BAIAP3: variants seen among roughly 807,000 people sequenced by gnomAD.
BAIAP3 encodes the protein BAI1 associated protein 3.
A neutral mutation model predicts 149.7 loss-of-function variants in BAIAP3; 180 were observed. The ratio of observed to expected loss-of-function variants is 1.20; its 90% CI spans 1.07 to 1.36. The LOEUF (loss-of-function observed/expected upper bound fraction) is 1.36, where lower values mean the gene tolerates loss of function less well. BAIAP3 is among the 40% of genes most tolerant of loss of function. BAIAP3 has a pLI of 0.00. For missense variants in BAIAP3, 1,767 were observed against 1,563.4 expected, an observed-to-expected ratio of 1.13 and a Z score of -2.20; for synonymous variants, 845 against 670.7, an observed-to-expected ratio of 1.26 and a Z score of -4.02.
intron 1 of BAIAP3, among the ~76,000 whole-genome samples, chr16:1,334,313 GGGA>G (rs1318504658): frequency 6.6e-6 from 1 of 152,176 alleles, no homozygotes; most frequent in African/African-American, 2.4e-5. Flanking sequence ...GGGTCTCCGG[GGGA>G]GGAGTTTAAA....
rs968821844 is a variant in BAIAP3, at chr16:1,333,687, C to T, written c.-73C>T. 4 of 151,204 alleles carry T rather than the reference C, an allele frequency of 2.6e-5. No homozygotes were observed. The highest frequency in any genetic ancestry group is 5.9e-5 in the Non-Finnish European group (4 of 67,834). The allele number at this position is 151,204 out of a possible 1,614,324, so 9.4% of individuals were successfully genotyped here. On this transcript the variant is annotated 5_prime_UTR_variant, in exon 1 of 34. Transcript: ENST00000426824. The stretch of plus-strand genomic sequence containing the variant: ...GCTGGGAGCGGTAGCTGTGCCTCGG[C>T]GTCCCCGAGCTGGTGCCGAGCGCAG...
chr16:1,346,386 C>A (rs944119246), intron 25 of BAIAP3, 25 bp downstream of exon 25: 11 of 1,610,998 alleles, frequency 6.8e-6, no homozygotes, highest in Middle Eastern at 1.6e-4. Flanking sequence ...GAGACCAAGG[C>A]GTGGAGGCAG....
chr16:1,339,966 A>G (rs2033772644), intron 5 of BAIAP3, among the ~76,000 whole-genome samples: 1 of 145,422 alleles, frequency 6.9e-6, no homozygotes, highest in African/African-American at 2.7e-5. Flanking sequence ...ACACAGACGC[A>G]CGCACACACA....
chr16:1,343,812 G>T (rs1365604341), intron 15 of BAIAP3, among the ~76,000 whole-genome samples: 1 of 152,252 alleles, frequency 6.6e-6, no homozygotes, highest in African/African-American at 2.4e-5. Flanking sequence ...AACTGCAGGG[G>T]CACAGGCCCT....
intron 1 of BAIAP3, chr16:1,336,188 G>A (rs1333027540): frequency 2.8e-5 from 28 of 984,694 alleles, no homozygotes; most frequent in Admixed American, 6.1e-5. Flanking sequence ...CTCCAGCAGC[G>A]GCTGCTCCAC....
At chr16:1,340,850 G>C (rs1003909863) in intron 5 of BAIAP3, 72 bp from the exon 6 acceptor site, 14 of 1,483,920 alleles carry the variant, frequency 9.4e-6, no homozygotes, top group Non-Finnish European at 1.3e-5. Flanking sequence ...GGCTGAGCCC[G>C]AGGTCCCAGC....
At chr16:1,347,200 C>A (rs2034436288) in intron 28 of BAIAP3, 98 bp from the exon 29 acceptor site, 2 of 1,256,754 alleles carry the variant, frequency 1.6e-6, no homozygotes, top group Non-Finnish European at 2.2e-6. Flanking sequence ...GGCTGCTGAG[C>A]CCCCAGTGCT....
chr16:1,342,522 C>G lies in BAIAP3; in HGVS notation c.958-5C>G. The G allele has an allele frequency of 6.4e-7, 1 of 1,551,502 alleles. No individual in the cohort carries two copies. Among genetic ancestry groups the G allele is most frequent in the Non-Finnish European group, 8.7e-7 (1 of 1,147,664 alleles). The stretch of plus-strand genomic sequence containing the variant: ...TGGTGGGCCTGACCCCCATGCTACC[C>G]CCAGGAGGTGCCTGTGGCTGGCGTC... On this transcript the variant is annotated splice_region_variant and splice_polypyrimidine_tract_variant and intron_variant, in intron 11 of 33. Coordinates refer to ENST00000426824, the MANE Select transcript of BAIAP3 (RefSeq NM_001199097.2).
In BAIAP3 at chr16:1,344,305, TG is replaced by T. The variant is rs2034156340; in HGVS notation, c.1591del (p.Ala531ArgfsTer3). ...FESELNMDIA[A>X]ALKRGNREWY... is the part of the protein sequence containing the mutation. ...AGTCGGAGCTGAACATGGACATTGC[TG>T]CGGCCCTGAAGGTGTGTTCCAAAGC... On this transcript the variant is annotated frameshift_variant, in exon 17 of 34. Transcript: ENST00000426824. LOFTEE classifies it high-confidence loss of function. 6.2e-7 allele frequency: 1 copy of T among 1,613,720 alleles called. No individual in the cohort carries two copies. Among genetic ancestry groups the T allele is most frequent in the African/African-American group, 1.3e-5 (1 of 74,920 alleles).
rs759577804 is a variant in BAIAP3 at position 1,344,876 on chromosome 16, C to T, written c.1809+27C>T. 1.7e-5 allele frequency: 28 copies of T among 1,613,538 alleles called. No individual in the cohort carries two copies. The Admixed American group carries it at 3.8e-4, about 22-fold the overall frequency. Reference sequence around the variant, plus strand: ...TGAGGAGGGTCCCTGACCCCGGGTGCCTGCCAGGCATGGGGAAGTGGGCAG... The same window carrying T: ...TGAGGAGGGTCCCTGACCCCGGGTGTCTGCCAGGCATGGGGAAGTGGGCAG... On this transcript the variant is annotated intron_variant, in intron 20 of 33. Transcript: ENST00000426824.
At chr16:1,347,211 G>A (rs1000172157) in intron 28 of BAIAP3, 87 bp from the exon 29 acceptor site, 1 of 1,370,972 alleles carries the variant, frequency 7.3e-7, no homozygotes, top group East Asian at 2.5e-5. Context: ...CCCCAGTGCT[G>A]CCTGGGCCCC....
intron 1 of BAIAP3, among the ~76,000 whole-genome samples, chr16:1,335,868 C>G (rs1414425043): frequency 6.6e-6 from 1 of 152,202 alleles, no homozygotes; most frequent in African/African-American, 2.4e-5. Context: ...CGTCCCCAGC[C>G]CACTTGCTGG....
chr16:1,346,510 G>T lies in BAIAP3; in HGVS notation c.2562G>T (p.Glu854Asp). 6.2e-7 allele frequency: 1 copy of T among 1,609,904 alleles called. No individual in the cohort carries two copies. ...CGCCTGACTCCATCCAGAACGATGA[G>T]GTGAGTGCCGGGGCGAGGGGCCGTG... The part of the protein sequence containing the change: ...SLSPDSIQND[E>D]AVAPLMKYLD... The change falls in exon 26 of 34, where the codon GAG becomes GAT. Residue 854 changes from glutamate (E) to aspartate (D), a missense_variant and splice_region_variant. Transcript: ENST00000426824.
At chr16:1,339,421 C>A in intron 4 of BAIAP3, 75 bp from the exon 5 acceptor site, 1 of 1,505,814 alleles carries the variant, frequency 6.6e-7, no homozygotes, top group South Asian at 1.2e-5. Context: ...GGCCTGGGCT[C>A]AGGCAGACAG....
At chr16:1,346,814 G>A in intron 27 of BAIAP3, 33 bp from the exon 28 acceptor site, 1 of 1,545,924 alleles carries the variant, frequency 6.5e-7, no homozygotes, top group Non-Finnish European at 8.7e-7. Context: ...GGGCAGGTGG[G>A]GCTGGCCCGT....
rs1284465849 is a variant in BAIAP3 at position 1,348,600 on chromosome 16, C to T, written c.*118C>T. ...CCACGGCGCCCCTCCTGTGCTGTGA[C>T]GTGTGTGTCGTGGCTGGCCCCGCGG... On this transcript the variant is annotated 3_prime_UTR_variant, in exon 34 of 34. Transcript: ENST00000426824. 5 of 1,007,382 alleles carry T rather than the reference C, an allele frequency of 5.0e-6. No homozygotes were observed. Among genetic ancestry groups the T allele is most frequent in the Non-Finnish European group, 7.4e-6 (5 of 673,734 alleles). The allele number at this position is 1,007,382 out of a possible 1,614,324, so 62.4% of individuals were successfully genotyped here.
rs2034589859 is a variant in BAIAP3 at position 1,349,271 on chromosome 16, C to T, written c.*789C>T. The T allele has an allele frequency of 5.2e-6, 4 of 770,968 alleles. No homozygotes were observed. The highest frequency in any genetic ancestry group is 8.8e-6 in the Non-Finnish European group (4 of 453,182). 47.8% of individuals were successfully genotyped at this position (770,968 alleles called of 1,614,324 possible). On this transcript the variant is annotated 3_prime_UTR_variant, in exon 34 of 34. Coordinates refer to ENST00000426824, the MANE Select transcript of BAIAP3 (RefSeq NM_001199097.2). ...GCCTGCAGCTTCATTTGCGAGAGCG[C>T]CGAGGCAGGACACAGAGCACAGCTG...
rs1416082758 is a variant in BAIAP3 at position 1,346,677 on chromosome 16, C to G, written c.2635C>G (p.Leu879Val). 1 of 808,554 alleles carries G rather than the reference C, an allele frequency of 1.2e-6. No homozygotes were observed. Among genetic ancestry groups the G allele is most frequent in the Non-Finnish European group, 1.8e-6 (1 of 560,290 alleles). The allele number at this position is 808,554 out of a possible 1,614,324, so 50.1% of individuals were successfully genotyped here. A position where few individuals can be genotyped will look rare whatever the true frequency, so the allele number is the denominator to read the frequency against. ...GAACGCCTCGCTGGTGAAGGGGAACCTGAGCAGGTGCGGGCGGGTGGGGTG... is the reference window on the plus strand; with the variant it reads ...GAACGCCTCGCTGGTGAAGGGGAACGTGAGCAGGTGCGGGCGGGTGGGGTG... ...LLNASLVKGN[L>V]SRVLEALWEL... The change falls in exon 27 of 34, where the codon CTG becomes GTG. Residue 879 changes from leucine (L) to valine (V), a missense_variant. Leu to Val is a conservative substitution (Grantham distance 32). Coordinates refer to ENST00000426824, the MANE Select transcript of BAIAP3 (RefSeq NM_001199097.2).
At position 1,338,521 on chromosome 16, in the gene BAIAP3, G is replaced by T; in HGVS notation, c.-10-19G>T. 1 of 1,601,638 alleles carries T rather than the reference G, an allele frequency of 6.2e-7. No individual in the cohort carries two copies. Among genetic ancestry groups the T allele is most frequent in the Non-Finnish European group, 8.5e-7 (1 of 1,173,640 alleles). ...TTGAGTGGACGACCTGAGGCTGCGG[G>T]CTGTGCTCTCTGCTGTAGGTCACCC... On this transcript the variant is annotated intron_variant, in intron 1 of 33. Transcript: ENST00000426824.
Sources: gnomAD v4.1 joint callset for allele counts (sites outside exome capture counted in the v4.1 genomes callset) on GRCh38, gnomAD v4.1.1 for gene constraint, MANE v1.5 for transcripts, NCBI Gene and HGNC (gene_info 2026-07-23, HGNC 2026-07-21) for gene names.